Variants in NTRK2 observed in about 807,000 individuals in gnomAD.
NTRK2 encodes the protein neurotrophic receptor tyrosine kinase 2.
In NTRK2, 13 loss-of-function variants were observed where a neutral mutation model predicts 94.5. The ratio of observed to expected loss-of-function variants is 0.14; its 90% CI spans 0.09 to 0.22. The LOEUF is 0.22. NTRK2 is among the 10% of genes least tolerant of loss of function. The probability of loss-of-function intolerance (pLI) is 1.00; values close to 1 mark genes in which losing one functional copy is unlikely to be tolerated. For missense variants in NTRK2, 639 were observed against 1,071.2 expected, an observed-to-expected ratio of 0.60 and a Z score of 5.63; for synonymous variants, 372 against 407.4, an observed-to-expected ratio of 0.91 and a Z score of 1.05.
intron 2 of NTRK2, among the ~76,000 whole-genome samples, chr9:84,690,096 C>T (rs2059956957): frequency 6.6e-6 from 1 of 152,146 alleles, no homozygotes; most frequent in Non-Finnish European, 1.5e-5. Flanking sequence ...TGAAGGTTAA[C>T]ATGAGAAGTG....
At chr9:85,009,787 G>A (rs12379817) in intron 17 of NTRK2, among the ~76,000 whole-genome samples, 30,012 of 152,048 alleles carry the variant, frequency 0.2, 3,308 homozygotes, top group African/African-American at 0.28. Flanking sequence ...TGCCAGGTTG[G>A]CATTTAGAAC....
chr9:84,748,711 A>T lies in NTRK2; in HGVS notation c.1297-3275A>T, dbSNP rs1588341504. On this transcript the variant is annotated intron_variant, in intron 11 of 18. Coordinates refer to ENST00000277120, the MANE Select transcript of NTRK2 (RefSeq NM_006180.6). The stretch of plus-strand genomic sequence containing the variant: ...TATCAAATGGAGTTTGACTTTGTTT[A>T]TTTAGGTATTCTCCATCTATCTGTA... Among the ~76,000 whole-genome samples the T allele has an allele frequency of 5.3e-5, 8 of 152,308 alleles. 2 individuals are homozygous for T. The highest frequency in any genetic ancestry group is 5.2e-4 in the Admixed American group (8 of 15,302).
intron 13 of NTRK2, among the ~76,000 whole-genome samples, chr9:84,866,820 A>G (rs532809276): frequency 6.6e-6 from 1 of 152,364 alleles, no homozygotes; most frequent in South Asian, 2.1e-4. Flanking sequence ...CCAAATGTCC[A>G]CCAACAGATG....
chr9:84,732,275 A>C (rs966570099), intron 9 of NTRK2, among the ~76,000 whole-genome samples: 2 of 152,226 alleles, frequency 1.3e-5, no homozygotes, highest in African/African-American at 4.8e-5. Context: ...CCAGAACAGT[A>C]GCTTCCTGCC....
intron 17 of NTRK2, among the ~76,000 whole-genome samples, chr9:85,019,292 A>G (rs1457814388): frequency 6.6e-6 from 1 of 152,166 alleles, no homozygotes; most frequent in Non-Finnish European, 1.5e-5. Context: ...TGTCAGGCAT[A>G]CTGTGTAGCA....
At chr9:85,013,741 G>A (rs1831901075) in intron 17 of NTRK2, among the ~76,000 whole-genome samples, 1 of 152,222 alleles carries the variant, frequency 6.6e-6, no homozygotes, top group African/African-American at 2.4e-5. Context: ...AGGTCTAGGA[G>A]CCCCTTCAAT....
chr9:84,855,025 G>T (rs1010339066), intron 12 of NTRK2, among the ~76,000 whole-genome samples: 8 of 150,550 alleles, frequency 5.3e-5, no homozygotes, highest in Middle Eastern at 3.4e-3. Flanking sequence ...AAAGTGAGCA[G>T]GAATAGGAAA....
chr9:84,810,747 G>T, intron 12 of NTRK2: 1 of 1,486,582 alleles, frequency 6.7e-7, no homozygotes, highest in South Asian at 1.4e-5. Flanking sequence ...TATGAAGCCT[G>T]CATATACTGT....
intron 14 of NTRK2, among the ~76,000 whole-genome samples, chr9:84,869,077 A>G (rs2075724957): frequency 6.6e-6 from 1 of 152,208 alleles, no homozygotes; most frequent in Admixed American, 6.5e-5. Context: ...AAACAAAATA[A>G]CAAATGAGAT....
chr9:84,854,704 T>C (rs917013156), intron 12 of NTRK2, among the ~76,000 whole-genome samples: 1 of 152,010 alleles, frequency 6.6e-6, no homozygotes, highest in Non-Finnish European at 1.5e-5. Flanking sequence ...CCCAGCACTT[T>C]AAGAGGCCGA....
At chr9:84,940,923 G>A (rs982946629) in intron 15 of NTRK2, among the ~76,000 whole-genome samples, 1 of 151,848 alleles carries the variant, frequency 6.6e-6, no homozygotes, top group African/African-American at 2.4e-5. Flanking sequence ...CCCTCTTCCG[G>A]TGCCTCCTTC....
At chr9:84,834,639 C>CT (rs2073764308) in intron 12 of NTRK2, among the ~76,000 whole-genome samples, 2 of 152,162 alleles carry the variant, frequency 1.3e-5, no homozygotes, top group South Asian at 2.1e-4. Context: ...TTGACTTCAT[C>CT]TTTCCTGGCT....
intron 2 of NTRK2, among the ~76,000 whole-genome samples, chr9:84,681,361 C>G (rs1344339617): frequency 6.6e-6 from 1 of 152,222 alleles, no homozygotes; most frequent in Non-Finnish European, 1.5e-5. Context: ...AACCCCTACA[C>G]TCATTCACAT....
At chr9:84,732,759 C>T (rs1217994329) in intron 9 of NTRK2, among the ~76,000 whole-genome samples, 2 of 152,184 alleles carry the variant, frequency 1.3e-5, no homozygotes, top group Non-Finnish European at 2.9e-5. Context: ...GTAGTTGGCT[C>T]ACTAGTGGCT....
At chr9:84,770,272 A>G (rs760853976) in intron 12 of NTRK2, among the ~76,000 whole-genome samples, 1 of 151,748 alleles carries the variant, frequency 6.6e-6, no homozygotes, top group Non-Finnish European at 1.5e-5. Flanking sequence ...TTTGCTGATG[A>G]GTGGTGAAGG....
chr9:84,911,554 T>C (rs1232499348), intron 14 of NTRK2, among the ~76,000 whole-genome samples: 1 of 152,158 alleles, frequency 6.6e-6, no homozygotes, highest in African/African-American at 2.4e-5. Context: ...AATTTATGTG[T>C]AACGTTGTTT....
chr9:84,697,625 T>C (rs1485777665), intron 2 of NTRK2, among the ~76,000 whole-genome samples: 2 of 152,190 alleles, frequency 1.3e-5, no homozygotes, highest in East Asian at 1.9e-4. Context: ...CCCTGTGCCT[T>C]TGGGATCAGT....
At chr9:84,696,856 G>A (rs1190697763) in intron 2 of NTRK2, among the ~76,000 whole-genome samples, 2 of 152,082 alleles carry the variant, frequency 1.3e-5, no homozygotes, top group Non-Finnish European at 2.9e-5. Flanking sequence ...TATCATATAA[G>A]ATCCAATCTT....
At chr9:84,972,410 A>G (rs1467800296) in intron 17 of NTRK2, among the ~76,000 whole-genome samples, 2 of 152,204 alleles carry the variant, frequency 1.3e-5, no homozygotes, top group African/African-American at 4.8e-5. Flanking sequence ...TGTTTTAAAA[A>G]TTGTGTTCTA....
Sources: gnomAD v4.1 joint callset for allele counts (sites outside exome capture counted in the v4.1 genomes callset) on GRCh38, gnomAD v4.1.1 for gene constraint, MANE v1.5 for transcripts, NCBI Gene and HGNC (gene_info 2026-07-23, HGNC 2026-07-21) for gene names.